Variants in COL5A3 observed in about 807,000 individuals in gnomAD.
COL5A3 encodes the protein collagen type V alpha 3 chain.
Under a neutral mutation model 250.0 loss-of-function variants are expected in COL5A3, and 172 were observed. That is an observed-to-expected ratio of 0.69 (90% CI 0.61 to 0.78). The LOEUF (loss-of-function observed/expected upper bound fraction) is 0.78. Ranked by LOEUF, COL5A3 falls within the 30% of genes least tolerant of loss-of-function variation. The pLI is 0.00. For synonymous variants in COL5A3, 937 were observed against 900.4 expected, an observed-to-expected ratio of 1.04 and a Z score of -0.73; for missense variants, 2,340 against 2,334.4, an observed-to-expected ratio of 1.00 and a Z score of -0.05.
chr19:9,989,290 C>T (rs1371298637), intron 26 of COL5A3, 32 bp downstream of exon 26: 1 of 1,613,966 alleles, frequency 6.2e-7, no homozygotes, highest in Non-Finnish European at 8.5e-7. Context: ...CGACCCTCGT[C>T]CCCAACCCAG....
Position 9,960,238 on chromosome 19 carries a change from C to G in COL5A3, c.*173G>C. The G allele has an allele frequency of 1.3e-6, 1 of 794,086 alleles. No individual in the cohort carries two copies. The highest frequency in any genetic ancestry group is 1.8e-5 in the South Asian group (1 of 55,766). The allele number at this position is 794,086 out of a possible 1,614,324, so 49.2% of individuals were successfully genotyped here. A position where few individuals can be genotyped will look rare whatever the true frequency, so the allele number is the denominator to read the frequency against. The stretch of plus-strand genomic sequence containing the variant: ...GAGGCTGGACCCTTGGGCCAGGGAA[C>G]CCCAGCCCCCAGCACCCTGGAAAGG... On this transcript the variant is annotated 3_prime_UTR_variant, in exon 67 of 67. Transcript: ENST00000264828.
At chr19:9,962,580 G>C (rs997647878) in intron 65 of COL5A3, among the ~76,000 whole-genome samples, 1 of 152,084 alleles carries the variant, frequency 6.6e-6, no homozygotes, top group Admixed American at 6.6e-5. Flanking sequence ...TTCCAACACT[G>C]CCTCTAAATT....
intron 62 of COL5A3, 122 bp from the exon 63 acceptor site, chr19:9,966,868 G>C: frequency 1.4e-6 from 1 of 720,072 alleles, no homozygotes; most frequent in Non-Finnish European, 2.3e-6. Context: ...GAGGGAGAGA[G>C]ATAAACAAGG....
Position 9,969,605 on chromosome 19 carries a change from A to T in COL5A3, c.4068T>A (p.Pro1356=). ...GGCCAGGGATCCCTCGAAGACCCTCAGGCCCCACACGTCCAGGGGGCCCTC... is the reference window on the plus strand; with the variant it reads ...GGCCAGGGATCCCTCGAAGACCCTCTGGCCCCACACGTCCAGGGGGCCCTC... ...GARGPPGRVG[P]EGLRGIPGPV... Residue 1356 remains proline, a synonymous_variant, in exon 56 of 67, where the codon CCT becomes CCA. Transcript: ENST00000264828. The T allele has an allele frequency of 6.2e-7, 1 of 1,607,058 alleles. No homozygotes were observed. Among genetic ancestry groups the T allele is most frequent in the Non-Finnish European group, 8.5e-7 (1 of 1,178,114 alleles).
chr19:10,003,264 C>T (rs986596669), intron 6 of COL5A3, among the ~76,000 whole-genome samples: 2 of 152,190 alleles, frequency 1.3e-5, no homozygotes, highest in African/African-American at 2.4e-5. Context: ...AAATCAGGAA[C>T]TTATCTGGGT....
intron 15 of COL5A3, 111 bp from the exon 16 acceptor site, chr19:9,995,728 A>C: frequency 1.3e-6 from 1 of 781,190 alleles, no homozygotes; most frequent in Non-Finnish European, 2.0e-6. Flanking sequence ...CCCAGGCCAG[A>C]CACCTGGGCT....
Position 10,010,407 on chromosome 19 carries a change from G to A in COL5A3, c.-22C>T. 1 of 1,388,394 alleles carries A rather than the reference G, an allele frequency of 7.2e-7. No individual in the cohort carries two copies. The highest frequency in any genetic ancestry group is 1.5e-5 in the African/African-American group (1 of 66,218). The allele number at this position is 1,388,394 out of a possible 1,614,324, so 86.0% of individuals were successfully genotyped here. Reference sequence around the variant, plus strand: ...CCATCCCGGCGGGGCCCACGGGCAAGGCGGGGAACCAGTCGGGGCGGCTGC... The same window carrying A: ...CCATCCCGGCGGGGCCCACGGGCAAAGCGGGGAACCAGTCGGGGCGGCTGC... On this transcript the variant is annotated 5_prime_UTR_variant, in exon 1 of 67. Coordinates refer to ENST00000264828, the MANE Select transcript of COL5A3 (RefSeq NM_015719.4).
At chr19:9,965,143 T>C (rs556970452) in intron 64 of COL5A3, among the ~76,000 whole-genome samples, 58 of 143,082 alleles carry the variant, frequency 4.1e-4, no homozygotes, top group African/African-American at 1.4e-3. Flanking sequence ...CTTTCTTTTT[T>C]TCTTTTCTTT....
chr19:9,997,239 A>C (rs1423758311), intron 11 of COL5A3, 132 bp downstream of exon 11: 2 of 729,256 alleles, frequency 2.7e-6, no homozygotes, highest in Non-Finnish European at 5.0e-6. Context: ...GACAGAGAAC[A>C]GAAGAGGTCA....
At position 9,989,156 on chromosome 19, in the gene COL5A3, G is replaced by A; in HGVS notation, c.2113C>T (p.Pro705Ser). The change falls in exon 27 of 67, where the codon CCT becomes TCT. Residue 705 changes from proline to serine, a missense_variant. Pro to Ser is a moderately conservative substitution (Grantham distance 74). Coordinates refer to ENST00000264828, the MANE Select transcript of COL5A3 (RefSeq NM_015719.4). Reference protein sequence around the residue: ...GAQGPPGSAGPPGYPGPRGVK... With the variant: ...GAQGPPGSAGSPGYPGPRGVK... ...CCCCGAGGTCCAGGATAGCCCGGAG[G>A]GCCTGCCGACCCTGGTGGACCCTGG... is the stretch of plus-strand genomic sequence containing the variant. 6.2e-7 allele frequency: 1 copy of A among 1,614,190 alleles called. No homozygotes were observed. The highest frequency in any genetic ancestry group is 1.3e-5 in the African/African-American group (1 of 75,050).
intron 24 of COL5A3, 82 bp from the exon 25 acceptor site, chr19:9,989,604 C>T (rs1319510666): frequency 1.7e-5 from 22 of 1,273,380 alleles, no homozygotes; most frequent in African/African-American, 4.5e-5. Flanking sequence ...GACATGCAGC[C>T]GCCTCAAGGT....
intron 51 of COL5A3, among the ~76,000 whole-genome samples, chr19:9,971,519 A>C (rs184072656): frequency 4.6e-5 from 7 of 152,278 alleles, no homozygotes; most frequent in Non-Finnish European, 1.0e-4. Context: ...CTGGCCATTC[A>C]TTTGTCTATT....
chr19:9,983,491 C>T (rs1210308396), intron 31 of COL5A3, among the ~76,000 whole-genome samples: 2 of 147,554 alleles, frequency 1.4e-5, no homozygotes, highest in Non-Finnish European at 3.0e-5. Context: ...GAGTGACACC[C>T]TGTCTGAAAG....
chr19:9,967,138 C>T (rs1436570109), intron 62 of COL5A3, among the ~76,000 whole-genome samples: 1 of 152,082 alleles, frequency 6.6e-6, no homozygotes, highest in Non-Finnish European at 1.5e-5. Flanking sequence ...GTCAGAGCCC[C>T]CATGGGTGTC....
rs371401842 is a variant in COL5A3 at position 10,006,025 on chromosome 19, G to A, written c.248-40C>T. 9.9e-6 allele frequency: 16 copies of A among 1,611,128 alleles called. No individual in the cohort carries two copies. In the Admixed American group the frequency reaches 1.2e-4, roughly 12 times the overall value. On this transcript the variant is annotated intron_variant, in intron 2 of 66. Coordinates refer to ENST00000264828, the MANE Select transcript of COL5A3 (RefSeq NM_015719.4). ...GGAACAAGGCAGCTCAGAGGGCCCA[G>A]CAGTGCCTCCCTCCGGGGAGGTACC...
rs765270737 is a variant in COL5A3, at chr19:9,996,642, G to A, written c.1311C>T (p.Gly437=). The change falls in exon 12 of 67, where the codon GGC becomes GGT. Residue 437 remains glycine, a synonymous_variant. Coordinates refer to ENST00000264828, the MANE Select transcript of COL5A3 (RefSeq NM_015719.4). ...GCATCATGATCACAGTGCCCGGTGG[G>A]CCTCGGATCCCATCAATGCCGGGGA... ...PGIPGIDGIR[G]PPGTVIMMPF... 1.2e-6 allele frequency: 2 copies of A among 1,612,510 alleles called. No individual in the cohort carries two copies.
rs761683765 is a variant in COL5A3 at position 9,969,635 on chromosome 19, C to T, written c.4038G>A (p.Gly1346=). The change falls in exon 56 of 67, where the codon GGG becomes GGA. Residue 1346 remains glycine (G), a synonymous_variant. Transcript: ENST00000264828. ...DGPPGRTGPM[G]ARGPPGRVGP... is the part of the protein sequence containing the mutation. ...CCACACGTCCAGGGGGCCCTCTAGC[C>T]CCCATTGGACCCGTCCTCCCTGGGG... The T allele has an allele frequency of 9.4e-6, 15 of 1,590,464 alleles. No individual in the cohort carries two copies. The highest frequency in any genetic ancestry group is 5.8e-5 in the Admixed American group (3 of 51,384).
In COL5A3 at chr19:9,993,422, G is replaced by A; in HGVS notation, c.1707C>T (p.Gly569=). ...CTGGGGGACCGGGTTGCCCCACATG[G>A]CCAAAGTCACCCTGGAGAGGGAACA... ...PGEKGQRGDF[G]HVGQPGPPGE... Residue 569 remains glycine, a synonymous_variant, in exon 19 of 67, where the codon GGC becomes GGT. Coordinates refer to ENST00000264828, the MANE Select transcript of COL5A3 (RefSeq NM_015719.4). 1 of 1,614,134 alleles carries A rather than the reference G, an allele frequency of 6.2e-7. No individual in the cohort carries two copies. Among genetic ancestry groups the A allele is most frequent in the Non-Finnish European group, 8.5e-7 (1 of 1,179,998 alleles).
In COL5A3 at chr19:10,010,392, G is replaced by A. The variant is rs1391321496; in HGVS notation, c.-7C>T. On this transcript the variant is annotated 5_prime_UTR_variant, in exon 1 of 67. Coordinates refer to ENST00000264828, the MANE Select transcript of COL5A3 (RefSeq NM_015719.4). ...GGTCCCGGCGGTTCCCCATCCCGGC[G>A]GGGCCCACGGGCAAGGCGGGGAACC... 4 of 1,425,322 alleles carry A rather than the reference G, an allele frequency of 2.8e-6. No homozygotes were observed. In the African/African-American group the frequency reaches 4.5e-5, roughly 16 times the overall value. The allele number at this position is 1,425,322 out of a possible 1,614,324, so 88.3% of individuals were successfully genotyped here.
Sources: gnomAD v4.1 joint callset for allele counts (sites outside exome capture counted in the v4.1 genomes callset) on GRCh38, gnomAD v4.1.1 for gene constraint, MANE v1.5 for transcripts, NCBI Gene and HGNC (gene_info 2026-07-23, HGNC 2026-07-21) for gene names.